GRID1: variants seen among roughly 807,000 people sequenced by gnomAD.
GRID1 encodes glutamate ionotropic receptor delta type subunit 1, also known as glutamate receptor ionotropic, delta-1.
A neutral mutation model predicts 98.0 loss-of-function variants in GRID1; 28 were observed. That is an observed-to-expected ratio of 0.29 (90% confidence interval 0.21 to 0.39). The LOEUF (loss-of-function observed/expected upper bound fraction) is 0.39, where lower values mean the gene tolerates loss of function less well. Among genes scored for constraint, GRID1 ranks in the 10% least tolerant of loss-of-function variants. The probability of loss-of-function intolerance (pLI) is 1.00; values close to 1 mark genes in which losing one functional copy is unlikely to be tolerated. For synonymous variants in GRID1, 553 were observed against 538.5 expected (o/e 1.03, Z -0.37); for missense variants, 1,111 against 1,340.5 (o/e 0.83, Z 2.67).
At chr10:85,715,768 A>G (rs1841631930) in intron 12 of GRID1, among the ~76,000 whole-genome samples, 1 of 152,242 alleles carries the variant, frequency 6.6e-6, no homozygotes, top group Non-Finnish European at 1.5e-5. Flanking sequence ...ACTTAAATAT[A>G]GAAGTACCGT....
chr10:86,022,993 G>A (rs2131888060), intron 4 of GRID1, among the ~76,000 whole-genome samples: 2 of 151,934 alleles, frequency 1.3e-5, no homozygotes, highest in Admixed American at 1.3e-4. Flanking sequence ...ACCCAAACAA[G>A]GGTCATATGT....
rs1000963404 is a variant in GRID1, at chr10:85,602,144, G to T, written c.*129C>A. The T allele has an allele frequency of 3.6e-6, 2 of 560,586 alleles. No homozygotes were observed. The highest frequency in any genetic ancestry group is 3.8e-5 in the African/African-American group (2 of 52,360). The allele number at this position is 560,586 out of a possible 1,614,324, so 34.7% of individuals were successfully genotyped here. The stretch of plus-strand genomic sequence containing the variant: ...TGTCATTATTTACACATATGTACAA[G>T]AAAAATGAAAGAGTCTCTGTGTATG... On this transcript the variant is annotated 3_prime_UTR_variant, in exon 16 of 16. Coordinates refer to ENST00000327946, the MANE Select transcript of GRID1 (RefSeq NM_017551.3).
At chr10:85,606,710 T>G (rs1437578042) in intron 15 of GRID1, 1 of 152,208 alleles carries the variant, frequency 6.6e-6, no homozygotes, top group Admixed American at 6.5e-5. Flanking sequence ...CATGTCTGTC[T>G]GTTCCTTCTG....
intron 4 of GRID1, among the ~76,000 whole-genome samples, chr10:86,016,727 A>G (rs184852118): frequency 3.3e-5 from 5 of 152,334 alleles, no homozygotes; most frequent in African/African-American, 9.6e-5. Flanking sequence ...GTCTTATACC[A>G]CAATTGCTCT....
chr10:86,043,424 G>A (rs531551725), intron 4 of GRID1, among the ~76,000 whole-genome samples: 4 of 152,320 alleles, frequency 2.6e-5, no homozygotes, highest in African/African-American at 9.6e-5. Flanking sequence ...AGGAAGCCAG[G>A]GAGCCCAAGG....
In GRID1 at chr10:86,107,368, C is replaced by T. The variant is rs533284825; in HGVS notation, c.726+31451G>A. On this transcript the variant is annotated intron_variant, in intron 4 of 15. Coordinates refer to ENST00000327946, the MANE Select transcript of GRID1 (RefSeq NM_017551.3). ...GCCATGAGGACCGTGATCTGAAGGGCGTCCCTTGGCAGGTACGATGTACAA... is the reference window on the plus strand; with the variant it reads ...GCCATGAGGACCGTGATCTGAAGGGTGTCCCTTGGCAGGTACGATGTACAA... Among the ~76,000 whole-genome samples, 9 of 152,302 alleles carry T rather than the reference C, an allele frequency of 5.9e-5. No individual in the cohort carries two copies. In the South Asian group the frequency reaches 1.5e-3, roughly 25 times the overall value.
At chr10:85,801,355 C>T (rs1258965035) in intron 8 of GRID1, among the ~76,000 whole-genome samples, 7 of 151,532 alleles carry the variant, frequency 4.6e-5, no homozygotes, top group Non-Finnish European at 3.0e-5. Flanking sequence ...TACTGTAACT[C>T]GTCTTATAAA....
At chr10:85,925,059 G>T (rs1289990596) in intron 4 of GRID1, among the ~76,000 whole-genome samples, 1 of 152,210 alleles carries the variant, frequency 6.6e-6, no homozygotes, top group South Asian at 2.1e-4. Context: ...ATGAAATGGA[G>T]CCTGCTCACA....
chr10:85,940,864 G>C (rs1841989221), intron 4 of GRID1, among the ~76,000 whole-genome samples: 1 of 152,214 alleles, frequency 6.6e-6, no homozygotes, highest in Non-Finnish European at 1.5e-5. Context: ...CAGAACCTTG[G>C]AGAGGAGAAG....
intron 13 of GRID1, among the ~76,000 whole-genome samples, chr10:85,645,067 C>A (rs1843168297): frequency 6.6e-6 from 1 of 152,162 alleles, no homozygotes; most frequent in South Asian, 2.1e-4. Context: ...TTGTAAACAT[C>A]CCCTCCCAGT....
At chr10:85,925,625 C>T (rs938686152) in intron 4 of GRID1, among the ~76,000 whole-genome samples, 1 of 152,198 alleles carries the variant, frequency 6.6e-6, no homozygotes, top group African/African-American at 2.4e-5. Flanking sequence ...CATACTGGAG[C>T]TTGAGAAGCT....
chr10:86,066,495 A>G (rs997559727), intron 4 of GRID1, among the ~76,000 whole-genome samples: 2 of 152,194 alleles, frequency 1.3e-5, no homozygotes, highest in African/African-American at 4.8e-5. Flanking sequence ...CAAGTACCCA[A>G]GTTCACACAG....
At chr10:85,986,639 G>C (rs1032982916) in intron 4 of GRID1, among the ~76,000 whole-genome samples, 1 of 152,160 alleles carries the variant, frequency 6.6e-6, no homozygotes, top group East Asian at 1.9e-4. Flanking sequence ...GGCCCACAGA[G>C]GTGAGGAAAG....
intron 2 of GRID1, among the ~76,000 whole-genome samples, chr10:86,235,562 C>T (rs913398713): frequency 2.6e-5 from 4 of 152,368 alleles, no homozygotes; most frequent in South Asian, 2.1e-4. Flanking sequence ...CTTCCACCCC[C>T]AGCTACAGCC....
At chr10:85,793,339 C>G (rs1842498059) in intron 8 of GRID1, among the ~76,000 whole-genome samples, 1 of 152,246 alleles carries the variant, frequency 6.6e-6, no homozygotes, top group African/African-American at 2.4e-5. Context: ...TCTCCGCAAT[C>G]AAGCTGCACT....
chr10:86,050,101 C>CACGCCCTGTG (rs1303324426), intron 4 of GRID1, among the ~76,000 whole-genome samples: 1 of 152,188 alleles, frequency 6.6e-6, no homozygotes, highest in Non-Finnish European at 1.5e-5. Context: ...CGTGATTCCA[C>CACGCCCTGTG]AGATGGCTCA....
chr10:85,812,445 T>C (rs1842680149), intron 8 of GRID1, among the ~76,000 whole-genome samples: 1 of 152,142 alleles, frequency 6.6e-6, no homozygotes, highest in African/African-American at 2.4e-5. Context: ...AGGTGACATA[T>C]ATGTTGTGAT....
At chr10:85,664,500 A>G (rs2132574488) in intron 12 of GRID1, among the ~76,000 whole-genome samples, 1 of 152,230 alleles carries the variant, frequency 6.6e-6, no homozygotes, top group Middle Eastern at 3.4e-3. Flanking sequence ...GTAATGTCTG[A>G]ATGTATTTAT....
At chr10:85,949,395 T>C (rs1474842095) in intron 4 of GRID1, among the ~76,000 whole-genome samples, 3 of 152,232 alleles carry the variant, frequency 2.0e-5, no homozygotes, top group Non-Finnish European at 4.4e-5. Flanking sequence ...TAATATTGTA[T>C]AATTTGCTTC....
Sources: allele counts gnomAD v4.1 joint callset (sites outside exome capture counted in the v4.1 genomes callset), GRCh38; gene constraint gnomAD v4.1.1; transcripts MANE v1.5; gene names NCBI Gene and HGNC (gene_info 2026-07-23, HGNC 2026-07-21).